MAP4: variants seen among roughly 807,000 people sequenced by gnomAD.
The protein encoded by MAP4 is microtubule-associated protein 4.
A neutral mutation model predicts 170.2 loss-of-function variants in MAP4; 76 were observed. The observed-to-expected ratio is 0.45, with a 90% confidence interval of 0.37 to 0.54. The LOEUF is 0.54. Ranked by LOEUF, MAP4 falls within the 20% of genes least tolerant of loss-of-function variation. The probability of loss-of-function intolerance (pLI) is 0.00; values close to 1 mark genes in which losing one functional copy is unlikely to be tolerated. For missense variants in MAP4, 2,506 were observed against 2,748.0 expected (o/e 0.91, Z 1.97); for synonymous variants, 909 against 994.5 (o/e 0.91, Z 1.62).
At chr3:47,880,465 G>GTTTTTTTTTT (rs3079393) in intron 10 of MAP4, among the ~76,000 whole-genome samples, 1 of 106,082 alleles carries the variant, frequency 9.4e-6, no homozygotes, top group Admixed American at 1.1e-4. Context: ...TCCAATTTCA[G>GTTTTTTTTTT]TTTTTTTTTT....
intron 1 of MAP4, among the ~76,000 whole-genome samples, chr3:48,048,543 G>C (rs1230536174): frequency 4.4e-5 from 4 of 90,834 alleles, no homozygotes; most frequent in Non-Finnish European, 7.8e-5. Flanking sequence ...TTGAGACAAA[G>C]TCTTCACTCT....
intron 1 of MAP4, among the ~76,000 whole-genome samples, chr3:48,085,558 C>T (rs1229228095): frequency 2.0e-5 from 3 of 152,204 alleles, no homozygotes; most frequent in Non-Finnish European, 2.9e-5. Context: ...TGTGTTAAGA[C>T]ATCCTCCAGC....
intron 18 of MAP4, among the ~76,000 whole-genome samples, chr3:47,856,471 T>C (rs1050964644): frequency 2.6e-5 from 4 of 152,246 alleles, no homozygotes; most frequent in Admixed American, 2.6e-4. Context: ...TTTTTCTTTT[T>C]GGAGACAGAA....
intron 10 of MAP4, chr3:47,891,860 G>T: frequency 3.9e-6 from 6 of 1,536,156 alleles, no homozygotes; most frequent in Non-Finnish European, 5.2e-6. Flanking sequence ...GCAGCCAGGG[G>T]TGATGCTATT....
intron 1 of MAP4, among the ~76,000 whole-genome samples, chr3:48,074,488 T>TTA (rs59476975): frequency 3.5e-4 from 46 of 132,228 alleles, no homozygotes; most frequent in East Asian, 2.0e-3. Context: ...ACAAAATACA[T>TTA]TATATATATA....
intron 10 of MAP4, among the ~76,000 whole-genome samples, chr3:47,878,989 G>A (rs753938753): frequency 6.6e-6 from 1 of 152,156 alleles, no homozygotes; most frequent in African/African-American, 2.4e-5. Context: ...AAAATTACAA[G>A]GACAGATAAA....
Position 47,914,856 on chromosome 3 carries a change from A to C in MAP4, c.1960T>G (p.Cys654Gly), listed in dbSNP as rs757816517. Residue 654 changes from cysteine to glycine, a missense_variant, in exon 8 of 21, where the codon TGC (cysteine) becomes GGC (glycine). Cys to Gly is a radical substitution (Grantham distance 159). Coordinates refer to ENST00000683076, the MANE Select transcript of MAP4 (RefSeq NM_001385682.1). ...VLEKLGERKPCNSQPSELSSE... is the reference protein window; with the variant it reads ...VLEKLGERKPGNSQPSELSSE... ...GAAAGCTCAGAAGGTTGACTGTTGCATGGTTTCCTTTCCCCTAGTTTTTCT... is the reference window on the plus strand; with the variant it reads ...GAAAGCTCAGAAGGTTGACTGTTGCCTGGTTTCCTTTCCCCTAGTTTTTCT... 3 of 1,614,118 alleles carry C rather than the reference A, an allele frequency of 1.9e-6. No individual in the cohort carries two copies. Among genetic ancestry groups the C allele is most frequent in the Non-Finnish European group, 2.5e-6 (3 of 1,180,010 alleles).
chr3:48,024,462 A>G (rs963205805), intron 1 of MAP4, among the ~76,000 whole-genome samples: 3 of 152,198 alleles, frequency 2.0e-5, no homozygotes, highest in Non-Finnish European at 2.9e-5. Context: ...AGTGGGTTCT[A>G]GACAGTGCAA....
chr3:48,054,296 C>T (rs2100129449), intron 1 of MAP4, among the ~76,000 whole-genome samples: 1 of 146,472 alleles, frequency 6.8e-6, no homozygotes, highest in Non-Finnish European at 1.5e-5. Context: ...GACTCTACCT[C>T]AAAAAACAAA....
intron 1 of MAP4, among the ~76,000 whole-genome samples, chr3:48,056,410 C>T: frequency 1.1e-5 from 1 of 92,584 alleles, no homozygotes; most frequent in African/African-American, 4.3e-5. Flanking sequence ...CCCCCCCACC[C>T]GGCCAGCCGC....
chr3:47,977,995 C>T (rs1298844870), intron 2 of MAP4, 62 bp from the exon 3 acceptor site: 3 of 1,054,032 alleles, frequency 2.8e-6, no homozygotes, highest in African/African-American at 1.6e-5. Flanking sequence ...CAGATCCAAC[C>T]ACTGTCTTAT....
At position 47,997,707 on chromosome 3, in the gene MAP4, C is replaced by CAAAGAAAG. The variant is rs59915035; in HGVS notation, c.223+923_223+930dup. Among the ~76,000 whole-genome samples the CAAAGAAAG allele has an allele frequency of 4.0e-3, 596 of 149,896 alleles. 3 individuals are homozygous for CAAAGAAAG. Among genetic ancestry groups the CAAAGAAAG allele is most frequent in the African/African-American group, 0.012 (506 of 40,808 alleles). ...TTGATAAACCTCTACCTAGACTTAT[C>CAAAGAAAG]AAAGAAAGAAAGAAAGAAAGAAAGA... On this transcript the variant is annotated intron_variant, in intron 2 of 20. Transcript: ENST00000683076.
At chr3:47,971,321 C>T (rs1430479202) in intron 3 of MAP4, among the ~76,000 whole-genome samples, 1 of 152,204 alleles carries the variant, frequency 6.6e-6, no homozygotes, top group African/African-American at 2.4e-5. Context: ...AATAGCTGTT[C>T]AGAAACTCTA....
chr3:47,897,302 T>C (rs1055968066), intron 10 of MAP4, among the ~76,000 whole-genome samples: 1 of 152,024 alleles, frequency 6.6e-6, no homozygotes, highest in Non-Finnish European at 1.5e-5. Context: ...AATTTTTGTA[T>C]TTTTAGTAGA....
intron 1 of MAP4, among the ~76,000 whole-genome samples, chr3:48,028,780 A>T (rs1368825882): frequency 3.3e-5 from 5 of 151,764 alleles, no homozygotes; most frequent in Non-Finnish European, 5.9e-5. Flanking sequence ...TCAAAAAAAA[A>T]AAAAGGTACC....
chr3:47,948,183 G>T (rs947164694), intron 3 of MAP4, among the ~76,000 whole-genome samples: 2 of 150,628 alleles, frequency 1.3e-5, no homozygotes, highest in African/African-American at 4.9e-5. Flanking sequence ...ATTTTTAGTA[G>T]AGATGGGATT....
At chr3:47,958,254 C>CA (rs2100069059) in intron 3 of MAP4, among the ~76,000 whole-genome samples, 1 of 151,956 alleles carries the variant, frequency 6.6e-6, no homozygotes, top group African/African-American at 2.4e-5. Flanking sequence ...CTACAGCAAC[C>CA]AAAAAAGGAC....
chr3:47,909,687 T>C lies in MAP4; in HGVS notation c.4734A>G (p.Gly1578=). 1 of 1,613,982 alleles carries C rather than the reference T, an allele frequency of 6.2e-7. No homozygotes were observed. The highest frequency in any genetic ancestry group is 8.5e-7 in the Non-Finnish European group (1 of 1,179,876). ...TELAKGHLLP[G]VPVEDQSLPG... ...GTAGGCTCTGGTCTTCTACTGGCAC[T>C]CCAGGAAGGAGGTGACCTTTTGCTA... Residue 1578 remains glycine, a synonymous_variant, in exon 9 of 21, where the codon GGA becomes GGG. Transcript: ENST00000683076.
At chr3:47,893,577 A>G (rs888687845) in intron 10 of MAP4, among the ~76,000 whole-genome samples, 2 of 152,208 alleles carry the variant, frequency 1.3e-5, no homozygotes, top group Non-Finnish European at 2.9e-5. Context: ...TGAAGGAACC[A>G]TAAAACAAAA....
Sources: allele counts gnomAD v4.1 joint callset (sites outside exome capture counted in the v4.1 genomes callset), GRCh38; gene constraint gnomAD v4.1.1; transcripts MANE v1.5; gene names NCBI Gene and HGNC (gene_info 2026-07-23, HGNC 2026-07-21).